ADARB2: variants seen among roughly 807,000 people sequenced by gnomAD.
ADARB2 encodes inactive double-stranded RNA-specific editase B2.
Under a neutral mutation model 62.2 loss-of-function variants are expected in ADARB2, and 25 were observed. The observed-to-expected ratio is 0.40, with a 90% CI of 0.29 to 0.56. ADARB2 has a LOEUF of 0.56. ADARB2 is among the 20% of genes least tolerant of loss of function. The probability of loss-of-function intolerance (pLI) is 0.43; values close to 1 mark genes in which losing one functional copy is unlikely to be tolerated. For synonymous variants in ADARB2, 572 were observed against 500.8 expected, an observed-to-expected ratio of 1.14 and a Z score of -1.90; for missense variants, 1,071 against 1,077.4, an observed-to-expected ratio of 0.99 and a Z score of 0.08.
intron 1 of ADARB2, among the ~76,000 whole-genome samples, chr10:1,414,069 C>T (rs779327342): frequency 1.2e-4 from 18 of 152,200 alleles, no homozygotes; most frequent in Non-Finnish European, 2.1e-4. Context: ...CCCTGATACT[C>T]CTTTCCTCAC....
chr10:1,668,509 A>T, intron 1 of ADARB2, among the ~76,000 whole-genome samples: 1 of 152,212 alleles, frequency 6.6e-6, no homozygotes, highest in Non-Finnish European at 1.5e-5. Flanking sequence ...GTCCCAGGGC[A>T]TGCAAATGAG....
rs12255889 is a variant in ADARB2, at chr10:1,606,155, T to C, written c.100+130896A>G. The stretch of plus-strand genomic sequence containing the variant: ...TCTCCATGTCTCTTCCCCCGCTCCT[T>C]CCTTTCCTGTTGCCCAAGTTTGGGC... On this transcript the variant is annotated intron_variant, in intron 1 of 9. Transcript: ENST00000381312. 6.8e-3 allele frequency among the ~76,000 whole-genome samples: 1,034 copies of C among 152,348 alleles called. 15 individuals are homozygous for C. The highest frequency in any genetic ancestry group is 0.023 in the African/African-American group (969 of 41,582).
At chr10:1,651,730 G>T (rs1449209483) in intron 1 of ADARB2, among the ~76,000 whole-genome samples, 2 of 152,126 alleles carry the variant, frequency 1.3e-5, no homozygotes, top group Non-Finnish European at 2.9e-5. Context: ...CTGCCTGAGC[G>T]TGGTGGGCGT....
chr10:1,554,910 T>C (rs1263792702), intron 1 of ADARB2, among the ~76,000 whole-genome samples: 2 of 152,110 alleles, frequency 1.3e-5, no homozygotes, highest in Non-Finnish European at 2.9e-5. Context: ...CAGGGTCCAT[T>C]GCTCCCATCT....
At chr10:1,324,948 A>G (rs980977862) in intron 3 of ADARB2, among the ~76,000 whole-genome samples, 5 of 152,236 alleles carry the variant, frequency 3.3e-5, no homozygotes, top group African/African-American at 1.2e-4. Flanking sequence ...CGGCTCTTCA[A>G]GGTATAACTA....
At chr10:1,564,511 T>C (rs375996478) in intron 1 of ADARB2, among the ~76,000 whole-genome samples, 1 of 152,020 alleles carries the variant, frequency 6.6e-6, no homozygotes, top group Non-Finnish European at 1.5e-5. Context: ...AACCTACTCA[T>C]CTGACAAAGG....
At chr10:1,556,836 C>A (rs1832711602) in intron 1 of ADARB2, 1 of 534,306 alleles carries the variant, frequency 1.9e-6, no homozygotes, top group South Asian at 1.4e-5. Context: ...TGCTCTGCTG[C>A]AGATTTTCTG....
chr10:1,404,818 C>T (rs897605959), intron 1 of ADARB2, among the ~76,000 whole-genome samples: 3 of 152,210 alleles, frequency 2.0e-5, no homozygotes, highest in Non-Finnish European at 4.4e-5. Flanking sequence ...CAAAAGGGAG[C>T]TGGAACAGAA....
At chr10:1,206,296 G>A (rs114006796) in intron 7 of ADARB2, among the ~76,000 whole-genome samples, 2,595 of 152,264 alleles carry the variant, frequency 0.017, 34 homozygotes, top group Middle Eastern at 0.041. Context: ...CGGGGGCCAC[G>A]CTCTCCCACT....
intron 1 of ADARB2, among the ~76,000 whole-genome samples, chr10:1,649,109 G>C (rs1375275302): frequency 6.6e-6 from 1 of 152,194 alleles, no homozygotes; most frequent in East Asian, 1.9e-4. Context: ...GCACAGGCAC[G>C]GACCTCAGAC....
chr10:1,220,180 ATGG>A (rs1165001804), intron 6 of ADARB2, among the ~76,000 whole-genome samples: 17 of 123,376 alleles, frequency 1.4e-4, no homozygotes, highest in Admixed American at 7.4e-4. Flanking sequence ...GGTGGTGATG[ATGG>A]TGGTGATGAT....
chr10:1,468,993 G>A (rs1831290273), intron 1 of ADARB2, among the ~76,000 whole-genome samples: 1 of 152,206 alleles, frequency 6.6e-6, no homozygotes, highest in Non-Finnish European at 1.5e-5. Context: ...GGCTGATGGG[G>A]TCCCCTGATT....
At chr10:1,369,545 C>A (rs1832347267) in intron 2 of ADARB2, among the ~76,000 whole-genome samples, 1 of 152,212 alleles carries the variant, frequency 6.6e-6, no homozygotes, top group African/African-American at 2.4e-5. Context: ...GTTACCCACA[C>A]AAAAGGCAGT....
chr10:1,702,358 C>T (rs78319910), intron 1 of ADARB2, among the ~76,000 whole-genome samples: 320 of 152,284 alleles, frequency 2.1e-3, no homozygotes, highest in Middle Eastern at 6.8e-3. Flanking sequence ...GTTTTAGAGA[C>T]GACCCTCAAA....
intron 3 of ADARB2, among the ~76,000 whole-genome samples, chr10:1,334,355 G>A (rs551926343): frequency 3.3e-5 from 5 of 152,322 alleles, no homozygotes; most frequent in South Asian, 4.2e-4. Flanking sequence ...CATGAGCAGC[G>A]ATGTCTAAAG....
chr10:1,412,443 T>A (rs1301482772), intron 1 of ADARB2, among the ~76,000 whole-genome samples: 1 of 151,934 alleles, frequency 6.6e-6, no homozygotes, highest in African/African-American at 2.4e-5. Flanking sequence ...CTATGTGAGG[T>A]TGTGACTTTA....
At chr10:1,183,501 G>T in intron 9 of ADARB2, 132 bp from the exon 10 acceptor site, 2 of 1,136,890 alleles carry the variant, frequency 1.8e-6, no homozygotes, top group Non-Finnish European at 2.5e-6. Flanking sequence ...ATTACAGAGA[G>T]CAACTGTGAC....
chr10:1,227,309 C>T (rs1830756783), intron 6 of ADARB2, among the ~76,000 whole-genome samples: 1 of 152,196 alleles, frequency 6.6e-6, no homozygotes, highest in Admixed American at 6.5e-5. Flanking sequence ...GTCTGTCACC[C>T]CTTTCTTTGA....
intron 1 of ADARB2, among the ~76,000 whole-genome samples, chr10:1,548,641 A>G (rs1740999412): frequency 6.6e-6 from 1 of 152,226 alleles, no homozygotes; most frequent in South Asian, 2.1e-4. Context: ...GAAGCCACAG[A>G]TGTGAATTGC....
Sources: allele counts gnomAD v4.1 joint callset (sites outside exome capture counted in the v4.1 genomes callset), GRCh38; gene constraint gnomAD v4.1.1; transcripts MANE v1.5; gene names NCBI Gene and HGNC (gene_info 2026-07-23, HGNC 2026-07-21).